Variants in COA1 observed in about 807,000 individuals in gnomAD.
COA1 encodes the protein cytochrome c oxidase assembly factor 1.
In COA1, 13 loss-of-function variants were observed where a neutral mutation model predicts 16.0. That is an observed-to-expected ratio of 0.81 (90% confidence interval 0.53 to 1.29). COA1 has a LOEUF of 1.29. Ranked by LOEUF, COA1 falls within the 50% of genes most tolerant of loss-of-function variation. The pLI, the probability that COA1 is intolerant of heterozygous loss-of-function variation, is 0.00. For missense variants in COA1, 179 were observed against 177.0 expected (o/e 1.01, Z -0.06); for synonymous variants, 65 against 65.7 (o/e 0.99, Z 0.05).
intron 6 of COA1, among the ~76,000 whole-genome samples, chr7:43,622,029 A>T (rs2083950447): frequency 6.6e-6 from 1 of 152,198 alleles, no homozygotes; most frequent in South Asian, 2.1e-4. Flanking sequence ...TAGTAATAGT[A>T]CCGACCTCAT....
chr7:43,665,096 A>AC (rs1236838873), intron 1 of COA1, among the ~76,000 whole-genome samples: 4 of 152,332 alleles, frequency 2.6e-5, no homozygotes, highest in Non-Finnish European at 2.9e-5. Flanking sequence ...ATTTCAAAAA[A>AC]CATTAATGTG....
intron 1 of COA1, among the ~76,000 whole-genome samples, chr7:43,687,720 A>G (rs1250557246): frequency 1.3e-5 from 2 of 152,212 alleles, no homozygotes; most frequent in African/African-American, 2.4e-5. Flanking sequence ...TAGTTCCAAC[A>G]TATCATGCAT....
intron 1 of COA1, among the ~76,000 whole-genome samples, chr7:43,716,766 G>C (rs2095403908): frequency 1.3e-5 from 2 of 152,186 alleles, no homozygotes. Flanking sequence ...CCCATCACAG[G>C]ACGAGAGGCC....
chr7:43,613,948 A>G (rs1263604339), intron 6 of COA1, among the ~76,000 whole-genome samples: 1 of 152,198 alleles, frequency 6.6e-6, no homozygotes, highest in Non-Finnish European at 1.5e-5. Context: ...TCAGTATATT[A>G]CTTGAAAGCA....
At chr7:43,680,057 G>C (rs539259187) in intron 1 of COA1, among the ~76,000 whole-genome samples, 2 of 152,252 alleles carry the variant, frequency 1.3e-5, no homozygotes, top group East Asian at 3.9e-4. Flanking sequence ...GACAAGTCTA[G>C]AGATATGCTG....
chr7:43,702,445 T>G (rs1323247244), intron 1 of COA1, among the ~76,000 whole-genome samples: 1 of 152,176 alleles, frequency 6.6e-6, no homozygotes, highest in East Asian at 1.9e-4. Flanking sequence ...TTCTGTTCCA[T>G]TGGTCTATGT....
At chr7:43,691,273 GAAAGAAAGAAAGAAAGAAA>G (rs2094289603) in intron 1 of COA1, among the ~76,000 whole-genome samples, 1 of 29,872 alleles carries the variant, frequency 3.3e-5, no homozygotes, top group Non-Finnish European at 6.0e-5. Context: ...AGAAAAGAAA[GAAAGAAAGAAAGAAAGAAA>G]GAAAGAAAGA....
chr7:43,684,802 A>G (rs1042671816), intron 1 of COA1, among the ~76,000 whole-genome samples: 6 of 152,178 alleles, frequency 3.9e-5, no homozygotes, highest in African/African-American at 1.4e-4. Flanking sequence ...CAGATCTGAC[A>G]CTTTTGGGGT....
At chr7:43,664,540 T>C (rs1005094068) in intron 1 of COA1, among the ~76,000 whole-genome samples, 1 of 152,224 alleles carries the variant, frequency 6.6e-6, no homozygotes, top group Admixed American at 6.5e-5. Context: ...GTTCACCTTG[T>C]AGTAATCCCT....
chr7:43,631,025 G>T (rs1215787728), intron 6 of COA1: 1 of 151,646 alleles, frequency 6.6e-6, no homozygotes, highest in African/African-American at 2.4e-5. Context: ...TATTTTTGCT[G>T]TTTCCATCGT....
intron 3 of COA1, 73 bp downstream of exon 3, chr7:43,647,462 G>C (rs1459198356): frequency 2.0e-6 from 2 of 1,008,574 alleles, no homozygotes; most frequent in Admixed American, 1.7e-5. Flanking sequence ...AGCATCTCAA[G>C]TATTTCCTCT....
chr7:43,643,794 C>T (rs1402292430), intron 4 of COA1, among the ~76,000 whole-genome samples: 1 of 152,246 alleles, frequency 6.6e-6, no homozygotes. Flanking sequence ...TACCAATCTA[C>T]ACAAATCCAC....
rs1011243524 is a variant in COA1, at chr7:43,699,848, T to C, written c.-39+29581A>G. ...TCTTGAGGCATGATTAGAGTCAGTC[T>C]TACAAAAAAAGTCAGATACACAAAT... On this transcript the variant is annotated intron_variant, in intron 1 of 5. Coordinates refer to ENST00000223336, the MANE Select transcript of COA1 (RefSeq NM_018224.4). 2.0e-5 allele frequency among the ~76,000 whole-genome samples: 3 copies of C among 152,112 alleles called. No homozygotes were observed. In the East Asian group the frequency reaches 5.8e-4, roughly 29 times the overall value.
At chr7:43,683,417 G>T (rs1351224767) in intron 1 of COA1, among the ~76,000 whole-genome samples, 1 of 152,044 alleles carries the variant, frequency 6.6e-6, no homozygotes, top group East Asian at 1.9e-4. Flanking sequence ...TGGATCACGA[G>T]GTCAGGAGAT....
chr7:43,642,285 C>G (rs1263450850), intron 4 of COA1: 1 of 152,260 alleles, frequency 6.6e-6, no homozygotes, highest in African/African-American at 2.4e-5. Context: ...CCCATCTCTA[C>G]TAGAAATACA....
intron 1 of COA1, among the ~76,000 whole-genome samples, chr7:43,670,568 C>G (rs1447403376): frequency 1.3e-5 from 2 of 152,134 alleles, no homozygotes; most frequent in African/African-American, 4.8e-5. Context: ...CTGGCAAAGA[C>G]AGACCTTGAC....
chr7:43,702,544 G>A (rs1032281262), intron 1 of COA1, among the ~76,000 whole-genome samples: 2 of 152,030 alleles, frequency 1.3e-5, no homozygotes, highest in Non-Finnish European at 2.9e-5. Context: ...CTCCAACTTT[G>A]TTCTTTCTGC....
intron 6 of COA1, among the ~76,000 whole-genome samples, chr7:43,618,792 CA>C (rs1164063918): frequency 6.6e-6 from 1 of 152,126 alleles, no homozygotes; most frequent in African/African-American, 2.4e-5. Context: ...CATTACTGTA[CA>C]TGTCCTCACC....
intron 6 of COA1, chr7:43,624,632 AG>A (rs2084290807): frequency 6.2e-7 from 1 of 1,614,014 alleles, no homozygotes; most frequent in Non-Finnish European, 8.5e-7. Flanking sequence ...CCCTCCAAGA[AG>A]GTCATTCTGT....
Sources: gnomAD v4.1 joint callset for allele counts (sites outside exome capture counted in the v4.1 genomes callset) on GRCh38, gnomAD v4.1.1 for gene constraint, MANE v1.5 for transcripts, NCBI Gene and HGNC (gene_info 2026-07-23, HGNC 2026-07-21) for gene names.